The following RBM4 variants were observed in gnomAD, a reference collection of about 807,000 sequenced individuals.
RBM4 encodes the protein RNA binding motif protein 4.
A neutral mutation model predicts 29.5 loss-of-function variants in RBM4; 7 were observed. That is an observed-to-expected ratio of 0.24 (90% CI 0.14 to 0.45). The LOEUF (loss-of-function observed/expected upper bound fraction) is 0.45, where lower values mean the gene tolerates loss of function less well. Ranked by LOEUF, RBM4 falls within the 20% of genes least tolerant of loss-of-function variation. The probability of loss-of-function intolerance (pLI) is 1.00; values close to 1 mark genes in which losing one functional copy is unlikely to be tolerated. For missense variants in RBM4, 387 were observed against 502.3 expected, an observed-to-expected ratio of 0.77 and a Z score of 2.19; for synonymous variants, 220 against 205.4, an observed-to-expected ratio of 1.07 and a Z score of -0.61.
At chr11:66,644,452 C>T (rs574300575) in intron 3 of RBM4, 25 of 250,530 alleles carry the variant, frequency 1.0e-4, no homozygotes, top group African/African-American at 4.7e-4. Flanking sequence ...TTGAACCTTA[C>T]CTGGGGACCC....
rs879633303 is a variant in RBM4 at position 66,643,300 on chromosome 11, CT to C, written c.413-138del. 119,739 of 748,048 alleles carry C rather than the reference CT, an allele frequency of 0.16. 1 individual carries two copies. Among genetic ancestry groups the C allele is most frequent in the East Asian group, 0.23 (5,756 of 24,814 alleles). The allele number at this position is 748,048 out of a possible 1,614,324, so 46.3% of individuals were successfully genotyped here. On this transcript the variant is annotated intron_variant, in intron 2 of 3. Coordinates refer to ENST00000310092, the MANE Select transcript of RBM4 (RefSeq NM_002896.4). The surrounding 1 kb of genome is among the most constrained non-coding windows in gnomAD (Gnocchi z 6.1). The stretch of plus-strand genomic sequence containing the variant: ...ATTATACTGAATCTATATGTTGAGT[CT>C]TTTTTTTTTTTCCTTTTTATCTTTT...
downstream of RBM4, among the ~76,000 whole-genome samples, chr11:66,651,219 G>A (rs549548739): frequency 6.6e-6 from 1 of 152,008 alleles, no homozygotes; most frequent in African/African-American, 2.4e-5. Flanking sequence ...CTCAGTACTT[G>A]TGTGTTCTTA....
In RBM4 at chr11:66,657,589, A is replaced by G. The variant is rs559656349; in HGVS notation, c.413-8267A>G. ...TCCCAGCTACTTGGGAGGCTGAGGC[A>G]GAAGAATCACTTGAACCCGGGAGGT... On this transcript the variant is annotated intron_variant, in intron 2 of 2. Transcript: ENST00000396053. Among the ~76,000 whole-genome samples, 57 of 149,976 alleles carry G rather than the reference A, an allele frequency of 3.8e-4. 1 individual carries two copies. The highest frequency in any genetic ancestry group is 6.1e-4 in the Non-Finnish European group (41 of 67,696).
At chr11:66,659,529 T>A (rs1939033052) in intron 2 of RBM4, among the ~76,000 whole-genome samples, 1 of 152,102 alleles carries the variant, frequency 6.6e-6, no homozygotes, top group Non-Finnish European at 1.5e-5. Context: ...TCTGCCCGCC[T>A]TGGCCTCCCA....
At chr11:66,647,207 C>G (rs891995220), downstream of RBM4, among the ~76,000 whole-genome samples, 1 of 152,218 alleles carries the variant, frequency 6.6e-6, no homozygotes, top group Non-Finnish European at 1.5e-5. Context: ...AGGACTGTGT[C>G]AGAGCATTTC....
chr11:66,666,045 T>C, exon 3 of RBM4: 4 of 1,244,402 alleles, frequency 3.2e-6, no homozygotes, highest in Non-Finnish European at 4.4e-6. Flanking sequence ...TCAGAAATGA[T>C]GGTCACAAGG....
At chr11:66,650,645 C>T (rs981086419), downstream of RBM4, among the ~76,000 whole-genome samples, 10 of 151,206 alleles carry the variant, frequency 6.6e-5, no homozygotes, top group African/African-American at 2.2e-4. Flanking sequence ...GGGCGGATCA[C>T]GAGGTCAGGA....
At chr11:66,644,308 C>T (rs1267067878) in intron 3 of RBM4, 168 bp downstream of exon 3, 1 of 957,520 alleles carries the variant, frequency 1.0e-6, no homozygotes, top group Non-Finnish European at 1.5e-6. Flanking sequence ...CTTTAAAATA[C>T]ATAGAGTTCC....
rs1043445 is a variant in RBM4 at position 66,646,418 on chromosome 11, G to A, written c.*400G>A. On this transcript the variant is annotated 3_prime_UTR_variant, in exon 4 of 4. Transcript: ENST00000310092. ...TTTTGGTCCAAAGGCTAGACCTATA[G>A]AGTTGGATCACTTTTTTTCTTTCCG... The A allele has an allele frequency of 1.7e-5, 18 of 1,057,168 alleles. No homozygotes were observed. Among genetic ancestry groups the A allele is most frequent in the Non-Finnish European group, 1.9e-5 (17 of 876,264 alleles). The allele number at this position is 1,057,168 out of a possible 1,614,324, so 65.5% of individuals were successfully genotyped here.
At chr11:66,658,030 ATT>A (rs928249055) in intron 2 of RBM4, among the ~76,000 whole-genome samples, 1 of 123,918 alleles carries the variant, frequency 8.1e-6, no homozygotes. Flanking sequence ...CTTTTTTAAA[ATT>A]TTTTTTTTTT....
downstream of RBM4, among the ~76,000 whole-genome samples, chr11:66,650,307 C>CGTTG (rs572816756): frequency 6.6e-6 from 1 of 152,254 alleles, no homozygotes; most frequent in South Asian, 2.1e-4. Flanking sequence ...GGTGGCTCAA[C>CGTTG]GCCTGTAATC....
exon 3 of RBM4, chr11:66,667,289 T>C (rs534371327): frequency 7.2e-5 from 11 of 152,358 alleles, no homozygotes; most frequent in Non-Finnish European, 1.0e-4. Context: ...TTTAGCACTT[T>C]TGGTACACAT....
Position 66,646,340 on chromosome 11 carries a change from G to A in RBM4, c.*322G>A. 1.6e-6 allele frequency: 2 copies of A among 1,265,816 alleles called. No homozygotes were observed. Among genetic ancestry groups the A allele is most frequent in the Non-Finnish European group, 2.0e-6 (2 of 999,660 alleles). 78.4% of individuals were successfully genotyped at this position (1,265,816 alleles called of 1,614,324 possible). A position where few individuals can be genotyped will look rare whatever the true frequency, so the allele number is the denominator to read the frequency against. ...TCCTCCCTGCCTCCTGCCTCCTGCG[G>A]CTGTTGGATTTGGGAATGACCTTGG... On this transcript the variant is annotated 3_prime_UTR_variant, in exon 4 of 4. Transcript: ENST00000310092.
intron 2 of RBM4, among the ~76,000 whole-genome samples, chr11:66,654,031 TA>T (rs1938889611): frequency 6.6e-6 from 1 of 152,014 alleles, no homozygotes; most frequent in South Asian, 2.1e-4. Flanking sequence ...TCTCTAAAAA[TA>T]TTACTTATTT....
chr11:66,665,748 T>C, intron 2 of RBM4: 1 of 1,318,810 alleles, frequency 7.6e-7, no homozygotes. Flanking sequence ...TAGGAGTCTA[T>C]CAATAGCTAT....
chr11:66,642,555 G>C (rs906246406), intron 2 of RBM4, among the ~76,000 whole-genome samples: 1 of 152,176 alleles, frequency 6.6e-6, no homozygotes, highest in Non-Finnish European at 1.5e-5. Context: ...TATGTTCTTA[G>C]TTACGCTCTC....
At chr11:66,649,797 G>A (rs1266310823), downstream of RBM4, 8 of 700,626 alleles carry the variant, frequency 1.1e-5, no homozygotes, top group Non-Finnish European at 2.1e-5. Flanking sequence ...CTGTAACTTT[G>A]AACTCCTGAG....
intron 2 of RBM4, chr11:66,665,492 A>G: frequency 1.0e-6 from 1 of 969,636 alleles, no homozygotes; most frequent in Non-Finnish European, 1.6e-6. Context: ...AACATGAAGC[A>G]ATGGAAACAT....
At chr11:66,659,860 C>A (rs963522998) in intron 2 of RBM4, among the ~76,000 whole-genome samples, 4 of 152,126 alleles carry the variant, frequency 2.6e-5, no homozygotes, top group Admixed American at 2.0e-4. Context: ...CTTTTTCTTA[C>A]CCTTGGGTCT....
Sources: gnomAD v4.1 joint callset for allele counts (sites outside exome capture counted in the v4.1 genomes callset) on GRCh38, gnomAD v4.1.1 for gene constraint, Gnocchi (gnomAD v3.1) non-coding constraint, MANE v1.5 for transcripts, NCBI Gene and HGNC (gene_info 2026-07-23, HGNC 2026-07-21) for gene names.